TTC28: variants seen among roughly 807,000 people sequenced by gnomAD.
The protein encoded by TTC28 is tetratricopeptide repeat domain 28.
In TTC28, 61 loss-of-function variants were observed where a neutral mutation model predicts 198.0. The observed-to-expected ratio is 0.31, with a 90% CI of 0.25 to 0.38. The LOEUF (loss-of-function observed/expected upper bound fraction) is 0.38. TTC28 is among the 10% of genes least tolerant of loss of function. The pLI, the probability that TTC28 is intolerant of heterozygous loss-of-function variation, is 1.00. For missense variants in TTC28, 2,678 were observed against 3,164.0 expected (o/e 0.85, Z 3.69); for synonymous variants, 1,171 against 1,297.8 (o/e 0.90, Z 2.10).
At chr22:28,187,198 A>G (rs1387069670) in intron 5 of TTC28, among the ~76,000 whole-genome samples, 1 of 152,208 alleles carries the variant, frequency 6.6e-6, no homozygotes, top group African/African-American at 2.4e-5. Flanking sequence ...ACTATCATTG[A>G]CCGAGGGTAA....
intron 2 of TTC28, among the ~76,000 whole-genome samples, chr22:28,542,029 C>T (rs1373322036): frequency 6.6e-6 from 1 of 152,062 alleles, no homozygotes; most frequent in Non-Finnish European, 1.5e-5. Flanking sequence ...TTAGAGGCTG[C>T]AGTGAGCTAT....
In TTC28 at chr22:28,030,248, G is replaced by A. The variant is rs771335791; in HGVS notation, c.4051C>T (p.Arg1351Cys). 3.9e-5 allele frequency: 61 copies of A among 1,551,618 alleles called. No individual in the cohort carries two copies. The highest frequency in any genetic ancestry group is 1.2e-4 in the African/African-American group (9 of 73,056). The change falls in exon 13 of 23, where the codon CGC becomes TGC. Residue 1351 changes from arginine (R) to cysteine (C), a missense_variant. Physicochemically the swap from Arg to Cys is radical, Grantham distance 180 (BLOSUM62 -3). Coordinates refer to ENST00000397906, the MANE Select transcript of TTC28 (RefSeq NM_001145418.2). ...CACCTGTTAAACAGGTTATTGCGGC[G>A]AACCATCCGCAGAAAGCCAGTGGGG... ...TDPTGFLRMV[R>C]RNNLFNRSCQ...
chr22:28,557,071 G>A (rs1234300523), intron 2 of TTC28, among the ~76,000 whole-genome samples: 1 of 152,190 alleles, frequency 6.6e-6, no homozygotes, highest in African/African-American at 2.4e-5. Flanking sequence ...ATATAAGGGT[G>A]TGAAAGAAAG....
intron 17 of TTC28, among the ~76,000 whole-genome samples, chr22:27,995,243 C>G (rs988590452): frequency 6.6e-6 from 1 of 152,184 alleles, no homozygotes; most frequent in Non-Finnish European, 1.5e-5. Context: ...ATGGATGGAG[C>G]TAGGCTGTGC....
chr22:28,594,755 AGAATT>A (rs1415448226), intron 2 of TTC28, among the ~76,000 whole-genome samples: 1 of 152,182 alleles, frequency 6.6e-6, no homozygotes, highest in African/African-American at 2.4e-5. Flanking sequence ...ACAAGATAAT[AGAATT>A]CTATAGGAAA....
At chr22:28,000,179 A>G (rs1937633477) in intron 15 of TTC28, 1 of 152,218 alleles carries the variant, frequency 6.6e-6, no homozygotes, top group Non-Finnish European at 1.5e-5. Context: ...TGGAAACTTG[A>G]GAGACCTAGA....
At chr22:28,654,539 G>A (rs1340694759) in intron 1 of TTC28, among the ~76,000 whole-genome samples, 13 of 152,210 alleles carry the variant, frequency 8.5e-5, no homozygotes, top group Non-Finnish European at 1.5e-5. Flanking sequence ...TGTTGGCCAG[G>A]ATGGTCTCAA....
rs1193658359 is a variant in TTC28 at position 28,544,998 on chromosome 22, C to T, written c.381+84554G>A. ...GAGGGTGCTCTGCCTATGGAGTAGCCATCCTTTTATTCCTTTACTTTCTTA... is the reference window on the plus strand; with the variant it reads ...GAGGGTGCTCTGCCTATGGAGTAGCTATCCTTTTATTCCTTTACTTTCTTA... On this transcript the variant is annotated intron_variant, in intron 2 of 22. Transcript: ENST00000397906. Among the ~76,000 whole-genome samples the T allele has an allele frequency of 2.0e-5, 3 of 152,098 alleles. No homozygotes were observed. The East Asian group carries it at 5.8e-4, about 29-fold the overall frequency.
intron 12 of TTC28, among the ~76,000 whole-genome samples, chr22:28,036,557 G>A (rs1190352630): frequency 1.3e-5 from 2 of 152,218 alleles, no homozygotes; most frequent in Non-Finnish European, 2.9e-5. Context: ...ATGCCCACAA[G>A]AGAAAGCAGG....
At chr22:28,029,490 C>T (rs2146628419) in intron 13 of TTC28, among the ~76,000 whole-genome samples, 1 of 152,318 alleles carries the variant, frequency 6.6e-6, no homozygotes, top group African/African-American at 2.4e-5. Flanking sequence ...CCTAGGGAGT[C>T]TGTGATATCT....
chr22:28,389,489 G>C (rs924545675), intron 2 of TTC28, among the ~76,000 whole-genome samples: 1 of 148,078 alleles, frequency 6.8e-6, no homozygotes, highest in African/African-American at 2.5e-5. Context: ...TTTTTGGTTG[G>C]TAAGCTACTG....
At chr22:28,258,240 G>A (rs1223663945) in intron 5 of TTC28, among the ~76,000 whole-genome samples, 1 of 152,110 alleles carries the variant, frequency 6.6e-6, no homozygotes, top group Admixed American at 6.6e-5. Flanking sequence ...GGAATTTCAT[G>A]TTATATAAGG....
At chr22:28,411,906 T>A (rs2047087807) in intron 2 of TTC28, among the ~76,000 whole-genome samples, 1 of 152,220 alleles carries the variant, frequency 6.6e-6, no homozygotes, top group African/African-American at 2.4e-5. Context: ...AGAAGTTCTA[T>A]ACCCTGCTGG....
intron 2 of TTC28, among the ~76,000 whole-genome samples, chr22:28,572,452 A>T (rs1480750149): frequency 1.3e-5 from 2 of 152,226 alleles, no homozygotes. Flanking sequence ...GAATTCTATA[A>T]AGGATTGAAA....
At chr22:28,226,152 A>G (rs77495617) in intron 5 of TTC28, among the ~76,000 whole-genome samples, 4,687 of 152,248 alleles carry the variant, frequency 0.031, 110 homozygotes, top group Non-Finnish European at 0.042. Flanking sequence ...ACTAGTGTAA[A>G]TTTGTAGGAG....
At chr22:28,165,611 T>C (rs556846512) in intron 5 of TTC28, among the ~76,000 whole-genome samples, 112 of 152,282 alleles carry the variant, frequency 7.4e-4, no homozygotes, top group African/African-American at 2.7e-3. Context: ...TAAAATCCTT[T>C]ACAGACAAGT....
chr22:28,562,956 C>G (rs548824571), intron 2 of TTC28, among the ~76,000 whole-genome samples: 1 of 152,066 alleles, frequency 6.6e-6, no homozygotes, highest in South Asian at 2.1e-4. Flanking sequence ...AACCCTGTCT[C>G]TACAAAAAAT....
At chr22:28,167,026 AG>A (rs1922051928) in intron 5 of TTC28, among the ~76,000 whole-genome samples, 1 of 152,240 alleles carries the variant, frequency 6.6e-6, no homozygotes, top group South Asian at 2.1e-4. Context: ...AACTACCATC[AG>A]AGAATACTAT....
At chr22:28,368,792 T>G (rs1419281201) in intron 2 of TTC28, among the ~76,000 whole-genome samples, 3 of 152,072 alleles carry the variant, frequency 2.0e-5, no homozygotes, top group Admixed American at 2.0e-4. Flanking sequence ...TAATCTCATT[T>G]ATAATAGCCA....
Sources: gnomAD v4.1 joint callset for allele counts (sites outside exome capture counted in the v4.1 genomes callset) on GRCh38, gnomAD v4.1.1 for gene constraint, MANE v1.5 for transcripts, NCBI Gene and HGNC (gene_info 2026-07-23, HGNC 2026-07-21) for gene names.